Variants in LOC128462377 observed in about 807,000 individuals in gnomAD.
the LOC128462377 span, among the ~76,000 whole-genome samples, chr16:89,337,335 G>A: frequency 9.9e-5 from 15 of 151,476 alleles, no homozygotes; most frequent in African/African-American, 3.6e-4. Context: ...AAGCCCAGCT[G>A]AGCACTGGGT....
chr16:89,417,723 G>A, the LOC128462377 span, among the ~76,000 whole-genome samples: 1 of 151,936 alleles, frequency 6.6e-6, no homozygotes, highest in Non-Finnish European at 1.5e-5. Flanking sequence ...CCTAACAAGA[G>A]CACAACAGCT....
the LOC128462377 span, among the ~76,000 whole-genome samples, chr16:89,383,303 C>A: frequency 6.6e-6 from 1 of 152,208 alleles, no homozygotes; most frequent in African/African-American, 2.4e-5. Context: ...CCAGGGAACC[C>A]CTCCTAGCCA....
the LOC128462377 span, among the ~76,000 whole-genome samples, chr16:89,353,776 G>A: frequency 1.3e-5 from 2 of 152,278 alleles, no homozygotes; most frequent in East Asian, 3.9e-4. Flanking sequence ...CACTACGCCC[G>A]AACTGGTCAC....
At chr16:89,319,376 G>A in the LOC128462377 span, among the ~76,000 whole-genome samples, 18 of 152,344 alleles carry the variant, frequency 1.2e-4, no homozygotes, top group African/African-American at 3.8e-4. Flanking sequence ...GGAGGTGGAG[G>A]AAGTGGGTCG....
At chr16:89,406,672 C>A in the LOC128462377 span, among the ~76,000 whole-genome samples, 2 of 152,090 alleles carry the variant, frequency 1.3e-5, no homozygotes, top group African/African-American at 4.8e-5. Flanking sequence ...ACTGTGATGC[C>A]GGCATCTGCC....
At chr16:89,355,093 G>A in the LOC128462377 span, among the ~76,000 whole-genome samples, 1 of 152,208 alleles carries the variant, frequency 6.6e-6, no homozygotes, top group African/African-American at 2.4e-5. Context: ...TCTAAATGTT[G>A]CTGACATTTC....
chr16:89,332,373 G>GA, the LOC128462377 span, among the ~76,000 whole-genome samples: 2 of 152,184 alleles, frequency 1.3e-5, no homozygotes, highest in African/African-American at 4.8e-5. Flanking sequence ...TTTTCAGAAA[G>GA]AAACACTGAG....
chr16:89,387,692 GAAAAAAA>G, the LOC128462377 span, among the ~76,000 whole-genome samples: 3 of 67,496 alleles, frequency 4.4e-5, no homozygotes, highest in South Asian at 1.7e-3. Context: ...AAAAGAAAAA[GAAAAAAA>G]AAAAAAAAAA....
At chr16:89,398,354 T>TGG in the LOC128462377 span, among the ~76,000 whole-genome samples, 1 of 88,478 alleles carries the variant, frequency 1.1e-5, no homozygotes, top group African/African-American at 4.1e-5. Flanking sequence ...CTCAGCACTC[T>TGG]AGGAGGCTGA....
the LOC128462377 span, among the ~76,000 whole-genome samples, chr16:89,339,067 AG>A: frequency 1.3e-5 from 2 of 152,318 alleles, no homozygotes; most frequent in Admixed American, 1.3e-4. Context: ...CCAGGAGGAC[AG>A]ACGTCCTGGG....
the LOC128462377 span, among the ~76,000 whole-genome samples, chr16:89,404,732 G>A: frequency 2.0e-5 from 3 of 152,252 alleles, no homozygotes; most frequent in African/African-American, 7.2e-5. Flanking sequence ...CTGGAGAACA[G>A]GCAGGGACAG....
the LOC128462377 span, among the ~76,000 whole-genome samples, chr16:89,330,957 A>G: frequency 1.3e-5 from 2 of 152,118 alleles, no homozygotes; most frequent in African/African-American, 4.8e-5. Context: ...TAAGCAAAAC[A>G]CCTTCCTTTT....
chr16:89,364,987 A>C, the LOC128462377 span, among the ~76,000 whole-genome samples: 1 of 152,224 alleles, frequency 6.6e-6, no homozygotes, highest in Non-Finnish European at 1.5e-5. Flanking sequence ...CATGGAAATC[A>C]CATTCTAAGA....
At chr16:89,382,179 C>T in the LOC128462377 span, among the ~76,000 whole-genome samples, 3 of 152,112 alleles carry the variant, frequency 2.0e-5, no homozygotes, top group East Asian at 5.8e-4. Context: ...CCTCTTTCCC[C>T]TGGAGCCCTT....
the LOC128462377 span, among the ~76,000 whole-genome samples, chr16:89,381,666 AC>A: frequency 1.3e-5 from 2 of 152,068 alleles, no homozygotes; most frequent in Non-Finnish European, 2.9e-5. Flanking sequence ...CATCACAGAA[AC>A]CCACCTTCAG....
the LOC128462377 span, among the ~76,000 whole-genome samples, chr16:89,318,185 C>T: frequency 6.6e-6 from 1 of 152,322 alleles, no homozygotes; most frequent in East Asian, 1.9e-4. Context: ...GTCCTGGTCT[C>T]TTCTGTGGCG....
chr16:89,331,699 C>T, the LOC128462377 span, among the ~76,000 whole-genome samples: 2 of 152,224 alleles, frequency 1.3e-5, no homozygotes, highest in Non-Finnish European at 2.9e-5. Flanking sequence ...CAGCTCCCTA[C>T]AGCCTCGAAC....
the LOC128462377 span, among the ~76,000 whole-genome samples, chr16:89,415,829 CAAAAAAAAAAAAAA>C: frequency 5.0e-4 from 20 of 39,744 alleles, no homozygotes; most frequent in Admixed American, 2.1e-3. Flanking sequence ...GACTCTGTCT[CAAAAAAAAAAAAAA>C]AAAAAAACAA....
chr16:89,371,394 T>C, the LOC128462377 span, among the ~76,000 whole-genome samples: 1 of 152,184 alleles, frequency 6.6e-6, no homozygotes, highest in Non-Finnish European at 1.5e-5. Flanking sequence ...TTAAATCAAG[T>C]CATTCCCTGC....
Sources: allele counts gnomAD v4.1 joint callset (sites outside exome capture counted in the v4.1 genomes callset), GRCh38; gene constraint gnomAD v4.1.1; transcripts MANE v1.5.